APLF: variants seen among roughly 807,000 people sequenced by gnomAD.
The protein encoded by APLF is aprataxin and PNK-like factor.
Under a neutral mutation model 55.6 loss-of-function variants are expected in APLF, and 61 were observed. The observed-to-expected ratio is 1.10, with a 90% CI of 0.89 to 1.36. The LOEUF is 1.36. Ranked by LOEUF, APLF falls within the 40% of genes most tolerant of loss-of-function variation. APLF has a pLI of 0.00. For synonymous variants in APLF, 207 were observed against 214.8 expected, an observed-to-expected ratio of 0.96 and a Z score of 0.32; for missense variants, 611 against 602.5, an observed-to-expected ratio of 1.01 and a Z score of -0.15.
intron 5 of APLF, among the ~76,000 whole-genome samples, chr2:68,519,246 A>C (rs889935507): frequency 7.2e-6 from 1 of 139,696 alleles, no homozygotes; most frequent in African/African-American, 2.6e-5. Flanking sequence ...TATATATTAT[A>C]TATCATTTAT....
intron 9 of APLF, among the ~76,000 whole-genome samples, chr2:68,568,555 GTCTT>G (rs1294276594): frequency 1.3e-5 from 2 of 152,034 alleles, no homozygotes; most frequent in South Asian, 2.1e-4. Context: ...GTTTAATAAA[GTCTT>G]CCTTTCTAGA....
rs570664274 is a variant in APLF at position 68,529,383 on chromosome 2, G to A, written c.804+3141G>A. The A allele has an allele frequency of 1.2e-3, 1,597 of 1,287,142 alleles. 3 individuals carry two copies. Among genetic ancestry groups the A allele is most frequent in the Admixed American group, 2.1e-3 (59 of 28,500 alleles). The allele number at this position is 1,287,142 out of a possible 1,614,324, so 79.7% of individuals were successfully genotyped here. On this transcript the variant is annotated intron_variant, in intron 6 of 9. Coordinates refer to ENST00000303795, the MANE Select transcript of APLF (RefSeq NM_173545.3). The surrounding 1 kb of genome is among the most constrained non-coding windows in gnomAD (Gnocchi z 4.4). ...GCCCGGCCAGCTGGGAAGGCCTCAC[G>A]GACAAGACGAGCAGGTTGCCGATGG...
At chr2:68,525,738 CTTTCTTT>C (rs1670021712) in intron 5 of APLF, among the ~76,000 whole-genome samples, 1 of 106,852 alleles carries the variant, frequency 9.4e-6, no homozygotes, top group African/African-American at 4.7e-5. Context: ...TATTTTCTTT[CTTTCTTT>C]TTTTTTTTTT....
At chr2:68,519,640 A>C (rs1669833634) in intron 5 of APLF, among the ~76,000 whole-genome samples, 1 of 149,826 alleles carries the variant, frequency 6.7e-6, no homozygotes, top group East Asian at 1.9e-4. Context: ...GTTATTGACA[A>C]AAAAAAATTA....
chr2:68,483,344 A>G (rs970972565), intron 1 of APLF, among the ~76,000 whole-genome samples: 12 of 152,180 alleles, frequency 7.9e-5, no homozygotes, highest in African/African-American at 2.9e-4. Flanking sequence ...CCATTACCCC[A>G]TAAGAAGTCC....
At chr2:68,475,881 T>TTATATATATATATATATA (rs141693033) in intron 1 of APLF, among the ~76,000 whole-genome samples, 7 of 148,738 alleles carry the variant, frequency 4.7e-5, no homozygotes, top group African/African-American at 1.7e-4. Flanking sequence ...TTTAAGTCTT[T>TTATATATATATATATATA]TATATATATA....
intron 8 of APLF, among the ~76,000 whole-genome samples, chr2:68,546,889 A>G (rs1445494361): frequency 1.3e-5 from 2 of 151,876 alleles, no homozygotes; most frequent in African/African-American, 4.8e-5. Context: ...TTATGTGGCG[A>G]TTCAAGACAG....
At chr2:68,545,434 A>C in intron 8 of APLF, 122 bp downstream of exon 8, 1 of 1,249,454 alleles carries the variant, frequency 8.0e-7, no homozygotes, top group Non-Finnish European at 1.1e-6. Flanking sequence ...ACTTCTGTAG[A>C]TTACAGGTTT....
intron 2 of APLF, among the ~76,000 whole-genome samples, chr2:68,493,488 T>C (rs1301370141): frequency 1.3e-5 from 2 of 152,070 alleles, no homozygotes; most frequent in Non-Finnish European, 2.9e-5. Context: ...GCATGAACCA[T>C]AAAAACAGTT....
intron 9 of APLF, among the ~76,000 whole-genome samples, chr2:68,575,119 A>G (rs1671586380): frequency 6.6e-6 from 1 of 152,040 alleles, no homozygotes; most frequent in Admixed American, 6.6e-5. Flanking sequence ...AGGACAGAAT[A>G]GCAAGGGTGT....
intron 6 of APLF, among the ~76,000 whole-genome samples, chr2:68,535,744 C>G (rs1670368633): frequency 6.6e-6 from 1 of 151,914 alleles, no homozygotes; most frequent in Non-Finnish European, 1.5e-5. Flanking sequence ...AGAAACAGCC[C>G]TTTCCCTTTA....
At chr2:68,495,166 C>T (rs1553369474) in intron 2 of APLF, among the ~76,000 whole-genome samples, 4 of 152,192 alleles carry the variant, frequency 2.6e-5, no homozygotes, top group Non-Finnish European at 5.9e-5. Context: ...TTTCACATTG[C>T]AAGATACAAT....
chr2:68,502,136 A>G (rs1676740877), intron 2 of APLF, among the ~76,000 whole-genome samples: 2 of 152,174 alleles, frequency 1.3e-5, no homozygotes, highest in South Asian at 4.1e-4. Flanking sequence ...AATGTCATTA[A>G]TCCATTCATG....
rs369740933 is a variant in APLF at position 68,528,819 on chromosome 2, A to G, written c.804+2577A>G. The stretch of plus-strand genomic sequence containing the variant: ...TTGTCAGTCTGGTTGTTTTCTGTCA[A>G]GCTCTTGAGGTGGACATTTCCCTCC... On this transcript the variant is annotated intron_variant, in intron 6 of 9. Coordinates refer to ENST00000303795, the MANE Select transcript of APLF (RefSeq NM_173545.3). The G allele has an allele frequency of 1.2e-5, 18 of 1,499,706 alleles. No individual in the cohort carries two copies. In the African/African-American group the frequency reaches 1.9e-4, roughly 16 times the overall value. 92.9% of individuals were successfully genotyped at this position (1,499,706 alleles called of 1,614,324 possible). A position where few individuals can be genotyped will look rare whatever the true frequency, so the allele number is the denominator to read the frequency against.
Position 68,579,417 on chromosome 2 carries a change from G to C in APLF, c.*1395G>C. 1 of 970,974 alleles carries C rather than the reference G, an allele frequency of 1.0e-6. No individual in the cohort carries two copies. Among genetic ancestry groups the C allele is most frequent in the Non-Finnish European group, 1.2e-6 (1 of 816,902 alleles). The allele number at this position is 970,974 out of a possible 1,614,324, so 60.1% of individuals were successfully genotyped here. A position where few individuals can be genotyped will look rare whatever the true frequency, so the allele number is the denominator to read the frequency against. On this transcript the variant is annotated 3_prime_UTR_variant, in exon 10 of 10. Coordinates refer to ENST00000303795, the MANE Select transcript of APLF (RefSeq NM_173545.3). ...CATCCCTGCCACTAACTTAATCCTTGAAGTGTTACATAATCTACTCCTAGG... is the reference window on the plus strand; with the variant it reads ...CATCCCTGCCACTAACTTAATCCTTCAAGTGTTACATAATCTACTCCTAGG...
intron 7 of APLF, among the ~76,000 whole-genome samples, chr2:68,542,763 A>T (rs2104013633): frequency 6.6e-6 from 1 of 152,302 alleles, no homozygotes; most frequent in East Asian, 1.9e-4. Context: ...TCCTCAAAAA[A>T]ATTAAAGATA....
intron 1 of APLF, among the ~76,000 whole-genome samples, chr2:68,482,512 A>G (rs1048616390): frequency 1.3e-5 from 2 of 152,158 alleles, no homozygotes; most frequent in Non-Finnish European, 2.9e-5. Flanking sequence ...GCTTGGAGAC[A>G]GGGTCACTGA....
chr2:68,573,550 G>A (rs1671540673), intron 9 of APLF, among the ~76,000 whole-genome samples: 1 of 151,820 alleles, frequency 6.6e-6, no homozygotes, highest in Admixed American at 6.6e-5. Flanking sequence ...GCGGGGGCCT[G>A]TAATCCCAGC....
rs551591353 is a variant in APLF, at chr2:68,539,330, G to C, written c.1160+1103G>C. 2.1e-4 allele frequency among the ~76,000 whole-genome samples: 32 copies of C among 152,262 alleles called. 1 individual carries two copies. The highest frequency in any genetic ancestry group is 6.3e-4 in the African/African-American group (26 of 41,550). ...AGAAATGTATTTTCCCATAGTTCTG[G>C]AGGCTGGAAGCCCTAGATCATGGTG... is the stretch of plus-strand genomic sequence containing the variant. On this transcript the variant is annotated intron_variant, in intron 7 of 9. Transcript: ENST00000303795.
Sources: allele counts gnomAD v4.1 joint callset (sites outside exome capture counted in the v4.1 genomes callset), GRCh38; gene constraint gnomAD v4.1.1; non-coding constraint Gnocchi (gnomAD v3.1); transcripts MANE v1.5; gene names NCBI Gene and HGNC (gene_info 2026-07-23, HGNC 2026-07-21).